The following TRRAP variants were observed in gnomAD, a reference collection of about 807,000 sequenced individuals.
The protein encoded by TRRAP is transformation/transcription domain-associated protein.
Under a neutral mutation model 438.8 loss-of-function variants are expected in TRRAP, and 41 were observed. The observed-to-expected ratio is 0.09, with a 90% CI of 0.07 to 0.12. The LOEUF is 0.12. Among genes scored for constraint, TRRAP ranks in the 10% least tolerant of loss-of-function variants. The probability of loss-of-function intolerance (pLI) is 1.00; values close to 1 mark genes in which losing one functional copy is unlikely to be tolerated. For missense variants in TRRAP, 3,122 were observed against 5,055.1 expected (o/e 0.62, Z 11.60); for synonymous variants, 1,994 against 1,962.9 (o/e 1.02, Z -0.42).
chr7:98,934,613 T>G (rs765901974), intron 27 of TRRAP, among the ~76,000 whole-genome samples: 73 of 152,200 alleles, frequency 4.8e-4, no homozygotes, highest in Non-Finnish European at 4.4e-4. Context: ...GCGGATCTTT[T>G]GAAAAGCATG....
At chr7:98,974,109 T>C (rs1285620410) in intron 53 of TRRAP, among the ~76,000 whole-genome samples, 1 of 152,206 alleles carries the variant, frequency 6.6e-6, no homozygotes, top group East Asian at 1.9e-4. Context: ...GGGGAAATAA[T>C]GAACAGAAAG....
chr7:98,927,111 G>GA, intron 22 of TRRAP, 56 bp from the exon 23 acceptor site: 1 of 1,591,128 alleles, frequency 6.3e-7, no homozygotes, highest in Non-Finnish European at 8.6e-7. Context: ...AGTCCTAGTG[G>GA]AGTCATCAGC....
intron 64 of TRRAP, among the ~76,000 whole-genome samples, chr7:98,991,903 T>C (rs1002111361): frequency 6.6e-5 from 10 of 152,112 alleles, no homozygotes; most frequent in African/African-American, 2.4e-4. Context: ...CTGGGTGGAG[T>C]TGATGAAATG....
At chr7:98,995,995 A>T (rs74833473) in intron 67 of TRRAP, among the ~76,000 whole-genome samples, 4,684 of 67,796 alleles carry the variant, frequency 0.069, 460 homozygotes, top group African/African-American at 0.25. Flanking sequence ...CATCCCATCC[A>T]TGCACCCCCG....
intron 67 of TRRAP, chr7:98,998,777 C>T (rs1396103510): frequency 4.3e-6 from 1 of 235,262 alleles, no homozygotes; most frequent in African/African-American, 2.3e-5. Context: ...CTTTCCATCT[C>T]TTCCAGTGCC....
At position 98,955,080 on chromosome 7, in the gene TRRAP, G is replaced by T; in HGVS notation, c.5731-18G>T. ...GCCTTCCTTCTCATCCTCCATAAAC[G>T]TCTCTTCCCTGTTTTAGGTTTTTCA... On this transcript the variant is annotated intron_variant, in intron 40 of 72. Transcript: ENST00000456197. 1.2e-6 allele frequency: 2 copies of T among 1,603,504 alleles called. No homozygotes were observed. The highest frequency in any genetic ancestry group is 1.7e-6 in the Non-Finnish European group (2 of 1,171,562).
intron 8 of TRRAP, among the ~76,000 whole-genome samples, chr7:98,898,798 C>T (rs1275469766): frequency 1.3e-5 from 2 of 152,176 alleles, no homozygotes; most frequent in Non-Finnish European, 2.9e-5. Context: ...TAAGTGAAGT[C>T]ATAGGCATTC....
rs1359128668 is a variant in TRRAP at position 98,912,227 on chromosome 7, A to G, written c.2199+14A>G. On this transcript the variant is annotated intron_variant, in intron 18 of 72. Transcript: ENST00000456197. ...CAAATGCTGAAGGTAAAGTCCATTT[A>G]ATCTAAGTAGTGCTTCTGTTCAGGG... The G allele has an allele frequency of 2.5e-6, 4 of 1,612,078 alleles. No individual in the cohort carries two copies. The highest frequency in any genetic ancestry group is 3.4e-6 in the Non-Finnish European group (4 of 1,178,822).
intron 3 of TRRAP, among the ~76,000 whole-genome samples, chr7:98,885,065 A>C (rs1472777619): frequency 6.6e-6 from 1 of 152,076 alleles, no homozygotes; most frequent in Non-Finnish European, 1.5e-5. Flanking sequence ...AACCCCAATC[A>C]TCACCCTTAC....
rs1003313851 is a variant in TRRAP at position 98,999,065 on chromosome 7, G to A, written c.10309+4217G>A. Reference sequence around the variant, plus strand: ...GATGGGAGGAGAAGGCAGCCATGACGGGCAGAGAACTCTGCTTCCGCTGGC... The same window carrying A: ...GATGGGAGGAGAAGGCAGCCATGACAGGCAGAGAACTCTGCTTCCGCTGGC... On this transcript the variant is annotated intron_variant, in intron 67 of 72. Transcript: ENST00000456197. The A allele has an allele frequency of 1.1e-4, 109 of 1,026,576 alleles. 1 individual carries two copies. In the Admixed American group the frequency reaches 2.2e-3, roughly 21 times the overall value. The allele number at this position is 1,026,576 out of a possible 1,614,324, so 63.6% of individuals were successfully genotyped here.
At chr7:98,991,385 C>T (rs1188138908) in intron 64 of TRRAP, among the ~76,000 whole-genome samples, 2 of 152,188 alleles carry the variant, frequency 1.3e-5, no homozygotes, top group Admixed American at 6.5e-5. Flanking sequence ...GCACGCAGCA[C>T]CTGTGCTATG....
At chr7:98,913,730 A>G (rs1789388093) in intron 18 of TRRAP, among the ~76,000 whole-genome samples, 2 of 152,352 alleles carry the variant, frequency 1.3e-5, no homozygotes, top group South Asian at 4.1e-4. Flanking sequence ...ATCTTAGAGA[A>G]GATGTCCCAT....
At chr7:98,939,664 A>G (rs1790704976) in intron 30 of TRRAP, among the ~76,000 whole-genome samples, 1 of 152,260 alleles carries the variant, frequency 6.6e-6, no homozygotes. Context: ...TAAAATAAAT[A>G]TATAAAGTTA....
chr7:98,941,763 TC>T (rs1484039384), intron 30 of TRRAP, among the ~76,000 whole-genome samples: 1 of 152,168 alleles, frequency 6.6e-6, no homozygotes, highest in Non-Finnish European at 1.5e-5. Flanking sequence ...ATGCCAGTGT[TC>T]CCTGGAACAC....
intron 35 of TRRAP, among the ~76,000 whole-genome samples, chr7:98,949,158 G>A (rs1344457742): frequency 9.2e-5 from 14 of 152,044 alleles, no homozygotes; most frequent in East Asian, 3.9e-4. Context: ...GCTTGAGTTC[G>A]GAGTTGGAGG....
chr7:98,931,133 C>T (rs1029140118), intron 25 of TRRAP, among the ~76,000 whole-genome samples: 7 of 152,204 alleles, frequency 4.6e-5, no homozygotes, highest in Non-Finnish European at 4.4e-5. Flanking sequence ...CATTCTTAAA[C>T]CTATGCAGAT....
intron 1 of TRRAP, among the ~76,000 whole-genome samples, chr7:98,880,177 T>C (rs1453591778): frequency 6.6e-6 from 1 of 151,926 alleles, no homozygotes; most frequent in Non-Finnish European, 1.5e-5. Flanking sequence ...GGGATTTTGA[T>C]GTCCGCTGAA....
Position 98,881,835 on chromosome 7 carries a change from C to T in TRRAP, c.101-140C>T, listed in dbSNP as rs77146909. 1,516 of 817,380 alleles carry T rather than the reference C, an allele frequency of 1.9e-3. 17 individuals carry two copies. The African/African-American group carries it at 0.021, about 11-fold the overall frequency. The allele number at this position is 817,380 out of a possible 1,614,324, so 50.6% of individuals were successfully genotyped here. ...GGTGCGACTGGTTGTAGGGAACTAGCTATGTGCCTTCTATTAGGCCATGAC... is the reference window on the plus strand; with the variant it reads ...GGTGCGACTGGTTGTAGGGAACTAGTTATGTGCCTTCTATTAGGCCATGAC... On this transcript the variant is annotated intron_variant, in intron 2 of 72. Coordinates refer to ENST00000456197, the MANE Select transcript of TRRAP (RefSeq NM_001375524.1).
intron 4 of TRRAP, among the ~76,000 whole-genome samples, chr7:98,891,203 A>ATTT (rs869214006): frequency 7.8e-6 from 1 of 128,430 alleles, no homozygotes; most frequent in South Asian, 2.3e-4. Context: ...ATATATATAT[A>ATTT]TTTTTTTTTT....
Sources: allele counts gnomAD v4.1 joint callset (sites outside exome capture counted in the v4.1 genomes callset), GRCh38; gene constraint gnomAD v4.1.1; transcripts MANE v1.5; gene names NCBI Gene and HGNC (gene_info 2026-07-23, HGNC 2026-07-21).